Variants in GRIA4 observed in about 807,000 individuals in gnomAD.
The protein encoded by GRIA4 is glutamate ionotropic receptor AMPA type subunit 4, also known as glutamate receptor 4.
Under a neutral mutation model 104.0 loss-of-function variants are expected in GRIA4, and 34 were observed. That is an observed-to-expected ratio of 0.33 (90% confidence interval 0.25 to 0.44). The LOEUF is 0.44. GRIA4 is among the 20% of genes least tolerant of loss of function. The pLI, the probability that GRIA4 is intolerant of heterozygous loss-of-function variation, is 1.00. For synonymous variants in GRIA4, 386 were observed against 381.9 expected, an observed-to-expected ratio of 1.01 and a Z score of -0.13; for missense variants, 750 against 1,096.5, an observed-to-expected ratio of 0.68 and a Z score of 4.46.
At chr11:105,629,235 A>C (rs2135302724) in intron 3 of GRIA4, among the ~76,000 whole-genome samples, 1 of 151,168 alleles carries the variant, frequency 6.6e-6, no homozygotes, top group Admixed American at 6.7e-5. Context: ...ACTGTCTCTA[A>C]GAAAATAAAC....
chr11:105,774,443 T>A (rs1233926586), intron 4 of GRIA4, among the ~76,000 whole-genome samples: 2 of 152,002 alleles, frequency 1.3e-5, no homozygotes. Context: ...ATAATAAAAG[T>A]GGAAATTGAA....
intron 5 of GRIA4, among the ~76,000 whole-genome samples, chr11:105,886,490 A>T (rs1458253154): frequency 1.1e-5 from 1 of 87,238 alleles, no homozygotes; most frequent in Non-Finnish European, 2.3e-5. Context: ...CCTCCCTCCC[A>T]CCCCCACTAC....
At chr11:105,826,230 G>A (rs529689664) in intron 4 of GRIA4, among the ~76,000 whole-genome samples, 12 of 152,122 alleles carry the variant, frequency 7.9e-5, no homozygotes, top group Non-Finnish European at 1.5e-4. Flanking sequence ...GGAGAAAGGG[G>A]TTCTATGCCA....
At chr11:105,666,668 T>A (rs1952174889) in intron 3 of GRIA4, among the ~76,000 whole-genome samples, 1 of 152,008 alleles carries the variant, frequency 6.6e-6, no homozygotes, top group Non-Finnish European at 1.5e-5. Flanking sequence ...TTTTTTGAAG[T>A]ATTTATAAAA....
chr11:105,923,046 G>C (rs1316034564), intron 11 of GRIA4, among the ~76,000 whole-genome samples: 1 of 151,968 alleles, frequency 6.6e-6, no homozygotes, highest in Non-Finnish European at 1.5e-5. Flanking sequence ...TGACTAAAAC[G>C]TGCCTTCCCC....
chr11:105,746,801 A>T (rs572569873), intron 3 of GRIA4, among the ~76,000 whole-genome samples: 2 of 152,182 alleles, frequency 1.3e-5, no homozygotes, highest in Non-Finnish European at 2.9e-5. Flanking sequence ...AGAAAAATTT[A>T]GACAACAGGA....
chr11:105,761,532 G>A (rs1017778030), intron 4 of GRIA4, among the ~76,000 whole-genome samples: 3 of 151,990 alleles, frequency 2.0e-5, no homozygotes, highest in African/African-American at 4.8e-5. Context: ...TCACATAGCC[G>A]TCAGTGACAG....
At chr11:105,619,106 T>C (rs1950675392) in intron 3 of GRIA4, among the ~76,000 whole-genome samples, 1 of 151,512 alleles carries the variant, frequency 6.6e-6, no homozygotes, top group Non-Finnish European at 1.5e-5. Context: ...ATAGAGATTC[T>C]AATACATAGG....
At chr11:105,694,909 T>C (rs1953215216) in intron 3 of GRIA4, among the ~76,000 whole-genome samples, 1 of 152,168 alleles carries the variant, frequency 6.6e-6, no homozygotes, top group South Asian at 2.1e-4. Flanking sequence ...TTTTTATTAA[T>C]AGCAATAGTC....
At chr11:105,863,601 G>A (rs11226867) in intron 5 of GRIA4, among the ~76,000 whole-genome samples, 42,026 of 151,842 alleles carry the variant, frequency 0.28, 6,266 homozygotes, top group Admixed American at 0.4. Context: ...CTTTACCTCC[G>A]ACTCCCATTT....
chr11:105,720,844 G>A (rs1937758722), intron 3 of GRIA4, among the ~76,000 whole-genome samples: 1 of 152,150 alleles, frequency 6.6e-6, no homozygotes, highest in Non-Finnish European at 1.5e-5. Context: ...ATTCGGAATA[G>A]TGTCCCCCAG....
intron 4 of GRIA4, chr11:105,842,981 G>C (rs1204295516): frequency 1.3e-5 from 2 of 151,886 alleles, no homozygotes; most frequent in South Asian, 4.2e-4. Context: ...TTTTTCCTTT[G>C]CTCTATTCTG....
At chr11:105,966,062 G>C in intron 14 of GRIA4, 1 of 1,594,520 alleles carries the variant, frequency 6.3e-7, no homozygotes, top group Non-Finnish European at 8.6e-7. Context: ...TGACTCCAAG[G>C]TTAGCCTCAA....
At chr11:105,798,085 C>T (rs115626321) in intron 4 of GRIA4, among the ~76,000 whole-genome samples, 3,469 of 152,008 alleles carry the variant, frequency 0.023, 81 homozygotes, top group African/African-American at 0.054. Flanking sequence ...CACACATAGA[C>T]ATAAACACAC....
rs939606039 is a variant in GRIA4 at position 105,979,963 on chromosome 11, G to GT, written c.*231dup. 2.7e-5 allele frequency: 8 copies of GT among 294,180 alleles called. No individual in the cohort carries two copies. The highest frequency in any genetic ancestry group is 1.8e-4 in the South Asian group (4 of 22,372). The allele number at this position is 294,180 out of a possible 1,614,324, so 18.2% of individuals were successfully genotyped here. A position where few individuals can be genotyped will look rare whatever the true frequency, so the allele number is the denominator to read the frequency against. ...TATATCAGGAAAACTCACAATTGAG[G>GT]TTTTTTTCGGGGAGTGGGTGGGGGA... On this transcript the variant is annotated 3_prime_UTR_variant, in exon 17 of 17. Transcript: ENST00000282499.
At chr11:105,807,083 A>G (rs1245141423) in intron 4 of GRIA4, among the ~76,000 whole-genome samples, 1 of 151,764 alleles carries the variant, frequency 6.6e-6, no homozygotes, top group Non-Finnish European at 1.5e-5. Context: ...AGAATTTTCA[A>G]ATTGAACAGA....
At chr11:105,647,359 T>G (rs1951558035) in intron 3 of GRIA4, among the ~76,000 whole-genome samples, 1 of 152,168 alleles carries the variant, frequency 6.6e-6, no homozygotes, top group Non-Finnish European at 1.5e-5. Flanking sequence ...GTAAATTATT[T>G]CAGCCATTGT....
At chr11:105,884,101 C>T (rs183036773) in intron 5 of GRIA4, among the ~76,000 whole-genome samples, 91 of 152,274 alleles carry the variant, frequency 6.0e-4, no homozygotes, top group African/African-American at 2.0e-3. Flanking sequence ...TGCAGATTGT[C>T]TTCCCCTACA....
rs1282895544 is a variant in GRIA4 at position 105,979,666 on chromosome 11, C to G, written c.2636C>G (p.Pro879Arg). Reference protein sequence around the residue: ...ENGRVLTPDCPKAVHTGTAIR... With the variant: ...ENGRVLTPDCRKAVHTGTAIR... Reference sequence around the variant, plus strand: ...GGCCGCGTCTTGACGCCTGACTGCCCAAAGGCTGTACACACTGGAACTGCA... The same window carrying G: ...GGCCGCGTCTTGACGCCTGACTGCCGAAAGGCTGTACACACTGGAACTGCA... The change falls in exon 17 of 17, where the codon CCA becomes CGA. Residue 879 changes from proline (P) to arginine (R), a missense_variant. Around this residue, in one of 3 missense-constraint regions of GRIA4, gnomAD observed 68 missense variants for 69.3 expected, o/e 0.98. Transcript: ENST00000282499. 15 of 1,613,194 alleles carry G rather than the reference C, an allele frequency of 9.3e-6. No individual in the cohort carries two copies. Among genetic ancestry groups the G allele is most frequent in the Non-Finnish European group, 1.3e-5 (15 of 1,179,234 alleles).
Sources: gnomAD v4.1 joint callset for allele counts (sites outside exome capture counted in the v4.1 genomes callset) on GRCh38, gnomAD v4.1.1 for gene constraint, gnomAD v4.1.1 regional missense constraint, MANE v1.5 for transcripts, NCBI Gene and HGNC (gene_info 2026-07-23, HGNC 2026-07-21) for gene names.